Variants in AK7 observed in about 807,000 individuals in gnomAD.
AK7 encodes adenylate kinase 7, also known as ATP-AMP transphosphorylase 7.
A neutral mutation model predicts 96.6 loss-of-function variants in AK7; 78 were observed. The observed-to-expected ratio is 0.81, with a 90% CI of 0.67 to 0.97. AK7 has a LOEUF of 0.97. AK7 is among the 50% of genes least tolerant of loss of function. The pLI is 0.00. For missense variants in AK7, 855 were observed against 887.9 expected (o/e 0.96, Z 0.47); for synonymous variants, 302 against 317.2 (o/e 0.95, Z 0.51).
At chr14:96,456,803 G>A (rs1333919737) in intron 11 of AK7, 4 of 235,424 alleles carry the variant, frequency 1.7e-5, no homozygotes, top group South Asian at 1.2e-4. Context: ...CTCAGGGGTC[G>A]GGGGATGTTA....
At chr14:96,443,545 A>G (rs1344247329) in intron 7 of AK7, among the ~76,000 whole-genome samples, 1 of 152,148 alleles carries the variant, frequency 6.6e-6, no homozygotes, top group African/African-American at 2.4e-5. Context: ...TTCTAGACTT[A>G]CTGGGAAATG....
At chr14:96,441,264 T>C (rs1892940316) in intron 6 of AK7, among the ~76,000 whole-genome samples, 1 of 152,138 alleles carries the variant, frequency 6.6e-6, no homozygotes, top group Admixed American at 6.5e-5. Context: ...TCAATTTACA[T>C]TGTCAGGGTG....
Position 96,413,409 on chromosome 14 carries a change from G to A in AK7, c.498+4468G>A, listed in dbSNP as rs564511687. 2.1e-3 allele frequency among the ~76,000 whole-genome samples: 314 copies of A among 152,274 alleles called. 1 individual carries two copies. Among genetic ancestry groups the A allele is most frequent in the Admixed American group, 4.3e-3 (66 of 15,296 alleles). On this transcript the variant is annotated intron_variant, in intron 4 of 17. Transcript: ENST00000267584. ...GTGGGGCTCACTGGTGAGAGGATAG[G>A]GGAATTGAGAAGAATGAGGTCAGAT...
chr14:96,422,057 G>A (rs946681366), intron 5 of AK7, among the ~76,000 whole-genome samples: 6 of 152,298 alleles, frequency 3.9e-5, no homozygotes, highest in Non-Finnish European at 7.4e-5. Flanking sequence ...TTCTGGTCCC[G>A]TGGTGCCAAC....
At position 96,399,175 on chromosome 14, in the gene AK7, T is replaced by A. The variant is rs1357135262; in HGVS notation, c.294+912T>A. The A allele has an allele frequency of 6.6e-6, 1 of 152,266 alleles. No homozygotes were observed. The highest frequency in any genetic ancestry group is 2.4e-5 in the African/African-American group (1 of 41,440). 9.4% of individuals were successfully genotyped at this position (152,266 alleles called of 1,614,324 possible). A position where few individuals can be genotyped will look rare whatever the true frequency, so the allele number is the denominator to read the frequency against. ...ATCGTGGGGGTCCATGGACACTGAC[T>A]GTCAGCTCCTTGAGGGTGGAGACCG... On this transcript the variant is annotated intron_variant, in intron 2 of 17. Transcript: ENST00000267584. This position sits in a 1 kb window ranked among gnomAD's most constrained non-coding sequence, Gnocchi z 4.1.
At chr14:96,454,403 T>G (rs1893773248) in intron 10 of AK7, among the ~76,000 whole-genome samples, 2 of 152,170 alleles carry the variant, frequency 1.3e-5, no homozygotes, top group Admixed American at 1.3e-4. Context: ...ATAGGGCTTC[T>G]TTAGCATTCA....
At chr14:96,407,170 T>G (rs994067775) in intron 3 of AK7, among the ~76,000 whole-genome samples, 8 of 152,174 alleles carry the variant, frequency 5.3e-5, no homozygotes, top group African/African-American at 1.9e-4. Context: ...CTAGACCTGT[T>G]ATAAATATCA....
intron 6 of AK7, 89 bp downstream of exon 6, chr14:96,438,004 T>A: frequency 8.5e-7 from 1 of 1,176,142 alleles, no homozygotes; most frequent in Non-Finnish European, 1.2e-6. Context: ...GCTTTGGGTG[T>A]GGTTAGTGCA....
chr14:96,454,698 T>C (rs368693735), intron 10 of AK7, among the ~76,000 whole-genome samples: 3 of 150,836 alleles, frequency 2.0e-5, no homozygotes, highest in Admixed American at 6.6e-5. Context: ...GGGATCTCAC[T>C]ATATTGCTGA....
chr14:96,440,968 G>T (rs1227052682), intron 6 of AK7, among the ~76,000 whole-genome samples: 1 of 152,088 alleles, frequency 6.6e-6, no homozygotes, highest in Non-Finnish European at 1.5e-5. Flanking sequence ...TTTGAGACCA[G>T]CCTGGGCAAC....
At chr14:96,446,707 G>T in intron 8 of AK7, 100 bp downstream of exon 8, 1 of 955,182 alleles carries the variant, frequency 1.0e-6, no homozygotes, top group Non-Finnish European at 1.6e-6. Context: ...TTGGGAGTCC[G>T]AGGCGGGTGG....
chr14:96,415,363 T>G (rs913528216), intron 4 of AK7, among the ~76,000 whole-genome samples: 2 of 152,120 alleles, frequency 1.3e-5, no homozygotes, highest in African/African-American at 4.8e-5. Context: ...AGTAAGCTGT[T>G]CCTTGTGCCT....
chr14:96,448,659 A>T (rs1893389993), intron 8 of AK7, among the ~76,000 whole-genome samples: 1 of 132,840 alleles, frequency 7.5e-6, no homozygotes, highest in Admixed American at 7.5e-5. Flanking sequence ...AAAAAAAAAA[A>T]AAAAATTACG....
intron 5 of AK7, among the ~76,000 whole-genome samples, chr14:96,433,102 A>T (rs966206775): frequency 1.4e-4 from 21 of 151,948 alleles, no homozygotes; most frequent in African/African-American, 5.1e-4. Flanking sequence ...TGCCCTTAAC[A>T]TTTTTTCCTT....
At position 96,434,657 on chromosome 14, in the gene AK7, G is replaced by T. The variant is rs556660914; in HGVS notation, c.610-3178G>T. Among the ~76,000 whole-genome samples the T allele has an allele frequency of 4.6e-5, 7 of 152,154 alleles. No individual in the cohort carries two copies. In the East Asian group the frequency reaches 1.4e-3, roughly 29 times the overall value. The stretch of plus-strand genomic sequence containing the variant: ...ATCAGCAGGTGGCATAACCAGCCAG[G>T]TCTGTTTCCTTCCCTTCAGGGTGGC... On this transcript the variant is annotated intron_variant, in intron 5 of 17. Transcript: ENST00000267584.
chr14:96,423,245 C>CT (rs1891817007), intron 5 of AK7, among the ~76,000 whole-genome samples: 1 of 152,212 alleles, frequency 6.6e-6, no homozygotes, highest in Non-Finnish European at 1.5e-5. Context: ...CTCTGGTTGT[C>CT]TAGCGATGGT....
chr14:96,426,536 A>G lies in AK7; in HGVS notation c.609+5604A>G, dbSNP rs565533148. The stretch of plus-strand genomic sequence containing the variant: ...TTGTACCTTCAGGTGATTATTGTTC[A>G]TTAATGTCTTTTTCTTTCTGACTGA... On this transcript the variant is annotated intron_variant, in intron 5 of 17. Transcript: ENST00000267584. Among the ~76,000 whole-genome samples, 149 of 152,186 alleles carry G rather than the reference A, an allele frequency of 9.8e-4. 1 individual carries two copies. Among genetic ancestry groups the G allele is most frequent in the African/African-American group, 3.5e-3 (144 of 41,524 alleles).
At chr14:96,405,000 C>T (rs8009774) in intron 3 of AK7, 135 bp downstream of exon 3, 105,583 of 459,830 alleles carry the variant, frequency 0.23, 12,522 homozygotes, top group Non-Finnish European at 0.24. Context: ...AGTATGAAAT[C>T]CATGATAATA....
intron 6 of AK7, among the ~76,000 whole-genome samples, chr14:96,441,642 CAAAAAAAAAAA>C (rs34473287): frequency 4.4e-5 from 4 of 91,506 alleles, no homozygotes; most frequent in Admixed American, 1.4e-4. Flanking sequence ...GACTCCGTCT[CAAAAAAAAAAA>C]AAAAAAAAAG....
Sources: allele counts gnomAD v4.1 joint callset (sites outside exome capture counted in the v4.1 genomes callset), GRCh38; gene constraint gnomAD v4.1.1; non-coding constraint Gnocchi (gnomAD v3.1); transcripts MANE v1.5; gene names NCBI Gene and HGNC (gene_info 2026-07-23, HGNC 2026-07-21).